Variants in CHN2 observed in about 807,000 individuals in gnomAD.
CHN2 encodes beta-chimaerin.
Under a neutral mutation model 56.3 loss-of-function variants are expected in CHN2, and 35 were observed. That is an observed-to-expected ratio of 0.62 (90% confidence interval 0.47 to 0.82). The LOEUF (loss-of-function observed/expected upper bound fraction) is 0.82, where lower values mean the gene tolerates loss of function less well. Ranked by LOEUF, CHN2 falls within the 40% of genes least tolerant of loss-of-function variation. The pLI, the probability that CHN2 is intolerant of heterozygous loss-of-function variation, is 0.00. For synonymous variants in CHN2, 210 were observed against 212.8 expected, an observed-to-expected ratio of 0.99 and a Z score of 0.12; for missense variants, 491 against 580.5, an observed-to-expected ratio of 0.85 and a Z score of 1.58.
chr7:29,189,001 A>C (rs1799058771), intron 2 of CHN2, among the ~76,000 whole-genome samples: 1 of 140,958 alleles, frequency 7.1e-6, no homozygotes, highest in African/African-American at 2.7e-5. Context: ...CCCAAGCTGG[A>C]GTACAGTGGC....
chr7:29,203,410 T>C (rs1051591891), intron 1 of CHN2, among the ~76,000 whole-genome samples: 1 of 129,974 alleles, frequency 7.7e-6, no homozygotes, highest in African/African-American at 3.0e-5. Context: ...GAGGTTGTAG[T>C]GAGCAGAGAT....
At chr7:29,507,651 A>G (rs1259467134) in intron 11 of CHN2, among the ~76,000 whole-genome samples, 2 of 152,168 alleles carry the variant, frequency 1.3e-5, no homozygotes, top group Admixed American at 1.3e-4. Flanking sequence ...AAGCATGAAT[A>G]TTTCTGTAGC....
At chr7:29,281,960 C>T (rs1007872185) in intron 1 of CHN2, among the ~76,000 whole-genome samples, 1 of 152,210 alleles carries the variant, frequency 6.6e-6, no homozygotes, top group Non-Finnish European at 1.5e-5. Context: ...GGTGGGAACA[C>T]TCAGGACTCC....
At chr7:29,383,590 C>A (rs1016396788) in intron 3 of CHN2, among the ~76,000 whole-genome samples, 9 of 152,128 alleles carry the variant, frequency 5.9e-5, no homozygotes, top group African/African-American at 2.2e-4. Context: ...CCGTGGCCCC[C>A]ACAAGTTGAC....
chr7:29,432,274 G>A (rs980921609), intron 6 of CHN2, among the ~76,000 whole-genome samples: 1 of 152,172 alleles, frequency 6.6e-6, no homozygotes, highest in African/African-American at 2.4e-5. Context: ...TGACCCAGAA[G>A]CATGAATGAT....
intron 1 of CHN2, among the ~76,000 whole-genome samples, chr7:29,220,814 C>T (rs142605853): frequency 4.7e-4 from 72 of 152,182 alleles, no homozygotes; most frequent in African/African-American, 1.7e-3. Flanking sequence ...ATCAGCCTAA[C>T]CTAAGTCTGA....
At chr7:29,387,226 GT>G (rs1800983064) in intron 3 of CHN2, among the ~76,000 whole-genome samples, 1 of 16,718 alleles carries the variant, frequency 6.0e-5, no homozygotes, top group Non-Finnish European at 1.3e-4. Flanking sequence ...AGTCTCACAT[GT>G]GGGTATCTCA....
At chr7:29,327,810 C>T (rs1228101580) in intron 1 of CHN2, among the ~76,000 whole-genome samples, 6 of 152,160 alleles carry the variant, frequency 3.9e-5, no homozygotes, top group Non-Finnish European at 7.3e-5. Context: ...TTCCTTGAAT[C>T]GTAAAGTTTA....
intron 6 of CHN2, among the ~76,000 whole-genome samples, chr7:29,411,665 C>G (rs1055124822): frequency 6.6e-6 from 1 of 152,158 alleles, no homozygotes; most frequent in Non-Finnish European, 1.5e-5. Flanking sequence ...AGGCCTTTCA[C>G]CCTCTTTCTG....
Position 29,512,780 on chromosome 7 carries a change from G to A in CHN2, c.*45G>A, listed in dbSNP as rs1412556097. ...GAATGGCCCCAGCACCATCCAAGTT[G>A]ACACAGCTAAAGGAATAAAAACATT... On this transcript the variant is annotated 3_prime_UTR_variant, in exon 13 of 13. Coordinates refer to ENST00000222792, the MANE Select transcript of CHN2 (RefSeq NM_004067.4). The A allele has an allele frequency of 1.9e-6, 3 of 1,574,184 alleles. No individual in the cohort carries two copies. Among genetic ancestry groups the A allele is most frequent in the Non-Finnish European group, 2.6e-6 (3 of 1,158,396 alleles).
chr7:29,236,085 G>T (rs1787176051), intron 1 of CHN2, among the ~76,000 whole-genome samples: 2 of 152,156 alleles, frequency 1.3e-5, no homozygotes, highest in Admixed American at 1.3e-4. Flanking sequence ...CTGGAGGTAT[G>T]GTTTAAATGT....
intron 6 of CHN2, among the ~76,000 whole-genome samples, chr7:29,411,003 T>C (rs1032323947): frequency 6.6e-6 from 1 of 152,220 alleles, no homozygotes; most frequent in African/African-American, 2.4e-5. Flanking sequence ...ATTTTTAAAA[T>C]CTTGCCTTCC....
intron 2 of CHN2, among the ~76,000 whole-genome samples, chr7:29,169,706 C>T (rs1275226265): frequency 1.3e-5 from 2 of 152,064 alleles, no homozygotes; most frequent in African/African-American, 4.8e-5. Flanking sequence ...GCCTGCTTGA[C>T]ACATTTGATC....
chr7:29,225,110 A>G (rs1584788892), intron 1 of CHN2, among the ~76,000 whole-genome samples: 1 of 152,250 alleles, frequency 6.6e-6, no homozygotes, highest in Non-Finnish European at 1.5e-5. Flanking sequence ...TGCTAAAGCC[A>G]GAGATCTGAA....
At chr7:29,157,814 A>G (rs1442792473) in intron 2 of CHN2, among the ~76,000 whole-genome samples, 1 of 150,470 alleles carries the variant, frequency 6.6e-6, no homozygotes, top group African/African-American at 2.4e-5. Flanking sequence ...CAGAGGTTTC[A>G]AAGAGGCACT....
chr7:29,327,849 C>T (rs1329364253), intron 1 of CHN2, among the ~76,000 whole-genome samples: 1 of 152,176 alleles, frequency 6.6e-6, no homozygotes, highest in African/African-American at 2.4e-5. Flanking sequence ...GGTCTTTGCA[C>T]TTATTTTTTA....
intron 7 of CHN2, among the ~76,000 whole-genome samples, chr7:29,490,455 T>G (rs1240540529): frequency 6.6e-6 from 1 of 152,182 alleles, no homozygotes; most frequent in Non-Finnish European, 1.5e-5. Flanking sequence ...GATCCTTGAG[T>G]GCAGGCAGTT....
chr7:29,146,726 A>G, exon 1 of CHN2: 2 of 1,550,562 alleles, frequency 1.3e-6, no homozygotes, highest in Non-Finnish European at 1.7e-6. Context: ...AATGAAGAGC[A>G]TCGGCGGGGT....
chr7:29,346,891 G>T (rs1445521612), intron 1 of CHN2, among the ~76,000 whole-genome samples: 3 of 152,182 alleles, frequency 2.0e-5, no homozygotes, highest in Admixed American at 1.3e-4. Context: ...CTCCTCAGGT[G>T]ATTCCATCAA....
Sources: allele counts gnomAD v4.1 joint callset (sites outside exome capture counted in the v4.1 genomes callset), GRCh38; gene constraint gnomAD v4.1.1; transcripts MANE v1.5; gene names NCBI Gene and HGNC (gene_info 2026-07-23, HGNC 2026-07-21).